The following CDH12 variants were observed in gnomAD, a reference collection of about 807,000 sequenced individuals.
CDH12 encodes the protein cadherin 12, also known as cadherin-12.
CDH12 carries 41 observed loss-of-function variants against 74.1 expected under a neutral mutation model. The ratio of observed to expected loss-of-function variants is 0.55; its 90% CI spans 0.43 to 0.72. The LOEUF (loss-of-function observed/expected upper bound fraction) is 0.72, where lower values mean the gene tolerates loss of function less well. Among genes scored for constraint, CDH12 ranks in the 30% least tolerant of loss-of-function variants. The probability of loss-of-function intolerance (pLI) is 0.00; values close to 1 mark genes in which losing one functional copy is unlikely to be tolerated. For synonymous variants in CDH12, 399 were observed against 355.0 expected (o/e 1.12, Z -1.39); for missense variants, 945 against 977.2 (o/e 0.97, Z 0.44).
Position 21,803,444 on chromosome 5 carries a change from A to G in CDH12, c.1003-1024T>C, listed in dbSNP as rs1299507466. The stretch of plus-strand genomic sequence containing the variant: ...GCTTTATATATTAATATATATGACT[A>G]AATTAGAGAAGGCTGTGAAACATAA... On this transcript the variant is annotated intron_variant, in intron 9 of 14. Coordinates refer to ENST00000382254, the MANE Select transcript of CDH12 (RefSeq NM_004061.5). 2.0e-5 allele frequency among the ~76,000 whole-genome samples: 3 copies of G among 152,142 alleles called. No homozygotes were observed. In the South Asian group the frequency reaches 6.2e-4, roughly 31 times the overall value.
chr5:22,379,334 G>A (rs567511941), intron 3 of CDH12, among the ~76,000 whole-genome samples: 28 of 152,178 alleles, frequency 1.8e-4, no homozygotes, highest in Admixed American at 1.6e-3. Context: ...GAAATGGCAC[G>A]CTTTCTATTT....
At chr5:22,744,548 T>C (rs758196738) in intron 1 of CDH12, among the ~76,000 whole-genome samples, 1 of 152,218 alleles carries the variant, frequency 6.6e-6, no homozygotes, top group Admixed American at 6.6e-5. Flanking sequence ...TACAAATAAG[T>C]CATTTTTCCT....
intron 4 of CDH12, among the ~76,000 whole-genome samples, chr5:22,193,803 A>C (rs1004577477): frequency 4.7e-4 from 72 of 152,120 alleles, no homozygotes; most frequent in Non-Finnish European, 9.1e-4. Context: ...GCAGTAGAGA[A>C]TATAGTAAGA....
At chr5:22,836,223 C>CTTTTTTTTTTTTCTTTTTTTT (rs1736816897) in intron 1 of CDH12, among the ~76,000 whole-genome samples, 1 of 65,506 alleles carries the variant, frequency 1.5e-5, no homozygotes, top group Non-Finnish European at 2.6e-5. Flanking sequence ...CTTTCTTTCT[C>CTTTTTTTTTTTTCTTTTTTTT]TTTTTTTTTT....
At chr5:22,015,232 T>C (rs1180671573) in intron 5 of CDH12, among the ~76,000 whole-genome samples, 12 of 152,208 alleles carry the variant, frequency 7.9e-5, no homozygotes, top group Admixed American at 7.9e-4. Context: ...TTTTGACATA[T>C]TGTGCCTTTA....
intron 3 of CDH12, among the ~76,000 whole-genome samples, chr5:22,337,435 G>A (rs1438052618): frequency 6.6e-6 from 1 of 152,232 alleles, no homozygotes; most frequent in Non-Finnish European, 1.5e-5. Flanking sequence ...TATAGCTCCC[G>A]TAATTCCCAC....
intron 2 of CDH12, among the ~76,000 whole-genome samples, chr5:22,475,199 A>G (rs2126612384): frequency 6.6e-6 from 1 of 151,768 alleles, no homozygotes; most frequent in East Asian, 1.9e-4. Flanking sequence ...TGGCCCCAAA[A>G]TGCTTATAGC....
intron 6 of CDH12, among the ~76,000 whole-genome samples, chr5:21,881,037 T>C (rs1182484700): frequency 6.6e-6 from 1 of 152,144 alleles, no homozygotes; most frequent in Non-Finnish European, 1.5e-5. Flanking sequence ...AAATCTTAGT[T>C]TTTTATTTAT....
At chr5:22,077,434 A>T (rs1342020208) in intron 5 of CDH12, among the ~76,000 whole-genome samples, 1 of 152,130 alleles carries the variant, frequency 6.6e-6, no homozygotes, top group Admixed American at 6.6e-5. Flanking sequence ...CAGAAAGCTC[A>T]AGGGATTTGC....
At chr5:22,171,879 G>T (rs1749050620) in intron 4 of CDH12, among the ~76,000 whole-genome samples, 1 of 151,878 alleles carries the variant, frequency 6.6e-6, no homozygotes, top group Admixed American at 6.6e-5. Context: ...ATTGTGCAAG[G>T]TTAATCCAGG....
intron 3 of CDH12, among the ~76,000 whole-genome samples, chr5:22,366,949 C>T (rs1580570711): frequency 2.6e-5 from 4 of 152,096 alleles, no homozygotes; most frequent in Admixed American, 2.6e-4. Flanking sequence ...CTTTAATAAA[C>T]TGGGAAGAAC....
chr5:22,183,464 A>G (rs1749757151), intron 4 of CDH12, among the ~76,000 whole-genome samples: 1 of 152,240 alleles, frequency 6.6e-6, no homozygotes, highest in Non-Finnish European at 1.5e-5. Flanking sequence ...GAAAAGAATC[A>G]GAAGTTATAG....
At chr5:22,091,951 CT>C (rs536976688) in intron 4 of CDH12, among the ~76,000 whole-genome samples, 8 of 151,280 alleles carry the variant, frequency 5.3e-5, no homozygotes, top group South Asian at 2.1e-4. Context: ...TTAAATTAGT[CT>C]TTTTTTTATG....
chr5:22,003,391 T>C (rs1194626309), intron 5 of CDH12, among the ~76,000 whole-genome samples: 7 of 152,164 alleles, frequency 4.6e-5, no homozygotes, highest in Admixed American at 4.6e-4. Context: ...ACCATTACAA[T>C]CATTAATACT....
In CDH12 at chr5:21,802,149, A is replaced by G. The variant is rs922715077; in HGVS notation, c.1256+18T>C. 1.3e-6 allele frequency: 2 copies of G among 1,587,468 alleles called. No individual in the cohort carries two copies. Among genetic ancestry groups the G allele is most frequent in the African/African-American group, 1.4e-5 (1 of 73,932 alleles). The stretch of plus-strand genomic sequence containing the variant: ...TTGTTTTCCTGAAACATAGAAAAAA[A>G]ATGTTTCTTTTTCTCACCTAACAGC... On this transcript the variant is annotated intron_variant, in intron 10 of 14. Transcript: ENST00000382254.
intron 7 of CDH12, among the ~76,000 whole-genome samples, chr5:21,844,618 C>T (rs948542558): frequency 1.3e-5 from 2 of 152,090 alleles, no homozygotes; most frequent in Non-Finnish European, 2.9e-5. Context: ...TGGAAAAGGT[C>T]TTGACAATTT....
chr5:22,566,576 T>G (rs928516547), intron 1 of CDH12, among the ~76,000 whole-genome samples: 2 of 152,100 alleles, frequency 1.3e-5, no homozygotes, highest in Non-Finnish European at 2.9e-5. Flanking sequence ...TAGCATGCAC[T>G]TGGCTGTGAT....
chr5:22,836,469 T>A (rs1002878788), intron 1 of CDH12, among the ~76,000 whole-genome samples: 1 of 151,890 alleles, frequency 6.6e-6, no homozygotes, highest in African/African-American at 2.4e-5. Flanking sequence ...GACCTCCTGA[T>A]CCACCTACCT....
At position 21,868,199 on chromosome 5, in the gene CDH12, G is replaced by A. The variant is rs142236408; in HGVS notation, c.527-13409C>T. Among the ~76,000 whole-genome samples, 394 of 134,746 alleles carry A rather than the reference G, an allele frequency of 2.9e-3. 18 individuals are homozygous for A. Among genetic ancestry groups the A allele is most frequent in the African/African-American group, 0.01 (325 of 31,172 alleles). The allele number at this position is 134,746 out of a possible 152,430, so 88.4% of individuals were successfully genotyped here. On this transcript the variant is annotated intron_variant, in intron 6 of 14. Transcript: ENST00000382254. Reference sequence around the variant, plus strand: ...GCCTCTTTCTTTTGTAAATTTCACCGTCCACCATGATTGTGAGGCCTCCCC... The same window carrying A: ...GCCTCTTTCTTTTGTAAATTTCACCATCCACCATGATTGTGAGGCCTCCCC...
Sources: allele counts gnomAD v4.1 joint callset (sites outside exome capture counted in the v4.1 genomes callset), GRCh38; gene constraint gnomAD v4.1.1; transcripts MANE v1.5; gene names NCBI Gene and HGNC (gene_info 2026-07-23, HGNC 2026-07-21).